The following DPP10 variants were observed in gnomAD, a reference collection of about 807,000 sequenced individuals.
DPP10 encodes dipeptidyl peptidase like 10, also known as inactive dipeptidyl peptidase 10.
In DPP10, 33 loss-of-function variants were observed where a neutral mutation model predicts 120.9. That is an observed-to-expected ratio of 0.27 (90% CI 0.21 to 0.37). The LOEUF is 0.37. Among genes scored for constraint, DPP10 ranks in the 10% least tolerant of loss-of-function variants. The pLI is 1.00. For synonymous variants in DPP10, 337 were observed against 326.1 expected (o/e 1.03, Z -0.36); for missense variants, 816 against 942.8 (o/e 0.87, Z 1.76).
At chr2:115,387,866 C>T (rs1162838170) in intron 3 of DPP10, among the ~76,000 whole-genome samples, 1 of 151,850 alleles carries the variant, frequency 6.6e-6, no homozygotes, top group Non-Finnish European at 1.5e-5. Context: ...ACAGGCAATA[C>T]ACAATTAAAT....
chr2:115,348,443 G>GT (rs916718690), intron 3 of DPP10, among the ~76,000 whole-genome samples: 4 of 151,210 alleles, frequency 2.6e-5, no homozygotes, highest in African/African-American at 7.3e-5. Flanking sequence ...TACTTATTTT[G>GT]TTTTTTCTCG....
At chr2:115,176,695 A>G (rs1355422776) in intron 1 of DPP10, among the ~76,000 whole-genome samples, 2 of 152,236 alleles carry the variant, frequency 1.3e-5, no homozygotes, top group African/African-American at 4.8e-5. Context: ...AACTCTGTGT[A>G]CAAGTTAGAA....
intron 1 of DPP10, among the ~76,000 whole-genome samples, chr2:114,558,304 AC>A: frequency 6.6e-6 from 1 of 152,148 alleles, no homozygotes; most frequent in East Asian, 1.9e-4. Flanking sequence ...ACTCTCTCCT[AC>A]CCCAGCTTTC....
intron 1 of DPP10, among the ~76,000 whole-genome samples, chr2:114,667,289 G>C (rs1198864735): frequency 6.6e-6 from 1 of 152,122 alleles, no homozygotes; most frequent in East Asian, 1.9e-4. Context: ...TTAAACTATA[G>C]TCATTGCCTT....
intron 1 of DPP10, among the ~76,000 whole-genome samples, chr2:114,984,622 T>A (rs1700286871): frequency 6.6e-6 from 1 of 152,020 alleles, no homozygotes; most frequent in African/African-American, 2.4e-5. Flanking sequence ...CAAAAACCTG[T>A]CTAAATAAAT....
intron 1 of DPP10, among the ~76,000 whole-genome samples, chr2:114,944,572 A>G (rs1201160207): frequency 6.6e-6 from 1 of 152,120 alleles, no homozygotes; most frequent in East Asian, 1.9e-4. Context: ...ACTTTTAATC[A>G]GGCATCATTT....
chr2:115,520,000 G>A (rs2077710227), intron 4 of DPP10, among the ~76,000 whole-genome samples: 1 of 152,122 alleles, frequency 6.6e-6, no homozygotes, highest in African/African-American at 2.4e-5. Flanking sequence ...TGAGTAGTGA[G>A]GGAAGTTATA....
chr2:115,697,886 G>A (rs1336281882), intron 7 of DPP10, among the ~76,000 whole-genome samples: 1 of 152,170 alleles, frequency 6.6e-6, no homozygotes, highest in Non-Finnish European at 1.5e-5. Flanking sequence ...TCTGAAGGCT[G>A]AGGCAGAATG....
At chr2:115,329,307 G>A (rs560811637) in intron 2 of DPP10, among the ~76,000 whole-genome samples, 23 of 151,918 alleles carry the variant, frequency 1.5e-4, no homozygotes, top group African/African-American at 5.3e-4. Context: ...TCCCATTTTG[G>A]AAATATACTC....
intron 21 of DPP10, among the ~76,000 whole-genome samples, chr2:115,818,090 C>A (rs189848847): frequency 6.6e-6 from 1 of 151,920 alleles, no homozygotes; most frequent in Non-Finnish European, 1.5e-5. Context: ...AAAGGGAGAG[C>A]AAGAGCAGTA....
At chr2:115,571,126 G>C (rs907890506) in intron 5 of DPP10, among the ~76,000 whole-genome samples, 1 of 152,222 alleles carries the variant, frequency 6.6e-6, no homozygotes, top group Non-Finnish European at 1.5e-5. Context: ...CGATAAGGAA[G>C]CAGAATAATT....
At chr2:114,791,185 A>C (rs1265971159) in intron 1 of DPP10, among the ~76,000 whole-genome samples, 5 of 152,110 alleles carry the variant, frequency 3.3e-5, no homozygotes, top group Non-Finnish European at 7.4e-5. Context: ...TCTGGGACTT[A>C]ATTTCTCCAT....
At chr2:114,828,161 T>C (rs913643191) in intron 1 of DPP10, among the ~76,000 whole-genome samples, 2 of 152,132 alleles carry the variant, frequency 1.3e-5, no homozygotes, top group Admixed American at 6.6e-5. Context: ...AAATAAAACA[T>C]GGAGAACAAT....
intron 19 of DPP10, among the ~76,000 whole-genome samples, chr2:115,806,138 A>C (rs539586031): frequency 6.6e-6 from 1 of 152,288 alleles, no homozygotes; most frequent in East Asian, 1.9e-4. Context: ...CCATAATTAG[A>C]GCTTAATAAA....
chr2:114,990,313 A>G (rs889400969), intron 1 of DPP10, among the ~76,000 whole-genome samples: 2 of 152,292 alleles, frequency 1.3e-5, no homozygotes, highest in Non-Finnish European at 1.5e-5. Context: ...TAAGTCTTCT[A>G]TGATGGCATT....
chr2:115,181,821 A>G (rs2054099378), intron 1 of DPP10, among the ~76,000 whole-genome samples: 1 of 152,210 alleles, frequency 6.6e-6, no homozygotes, highest in African/African-American at 2.4e-5. Flanking sequence ...CTGTATCTGG[A>G]TACAGACATT....
intron 1 of DPP10, among the ~76,000 whole-genome samples, chr2:114,796,248 G>A (rs1343746439): frequency 2.0e-5 from 3 of 152,146 alleles, no homozygotes; most frequent in African/African-American, 4.8e-5. Flanking sequence ...AAGAAGCAGA[G>A]AAATGTCATG....
At chr2:115,261,930 T>G (rs2059269246) in intron 1 of DPP10, among the ~76,000 whole-genome samples, 1 of 152,172 alleles carries the variant, frequency 6.6e-6, no homozygotes, top group Non-Finnish European at 1.5e-5. Flanking sequence ...TCTTGTCAGT[T>G]TGGGTTTTCA....
chr2:114,787,651 C>G (rs1209762198), intron 1 of DPP10, among the ~76,000 whole-genome samples: 2 of 152,190 alleles, frequency 1.3e-5, no homozygotes, highest in African/African-American at 2.4e-5. Context: ...CCACCCTTTA[C>G]GTGCCTTGAG....
Sources: gnomAD v4.1 joint callset for allele counts (sites outside exome capture counted in the v4.1 genomes callset) on GRCh38, gnomAD v4.1.1 for gene constraint, MANE v1.5 for transcripts, NCBI Gene and HGNC (gene_info 2026-07-23, HGNC 2026-07-21) for gene names.